Variants in BRSK2 observed in about 807,000 individuals in gnomAD.
BRSK2 encodes the protein serine/threonine-protein kinase BRSK2.
In BRSK2, 19 loss-of-function variants were observed where a neutral mutation model predicts 83.3. The ratio of observed to expected loss-of-function variants is 0.23; its 90% CI spans 0.16 to 0.33. The LOEUF is 0.33. Among genes scored for constraint, BRSK2 ranks in the 10% least tolerant of loss-of-function variants. The probability of loss-of-function intolerance (pLI) is 1.00; values close to 1 mark genes in which losing one functional copy is unlikely to be tolerated. For synonymous variants in BRSK2, 519 were observed against 435.4 expected (o/e 1.19, Z -2.39); for missense variants, 798 against 1,042.3 (o/e 0.77, Z 3.23).
In BRSK2 at chr11:1,443,528, C is replaced by A. The variant is rs1239724823; in HGVS notation, c.673C>A (p.Leu225Met). Reference sequence around the variant, plus strand: ...CGACGATGACAACTTGCGACAGCTGCTGGAGAAGGTGAAGCGGGGCGTGTT... The same window carrying A: ...CGACGATGACAACTTGCGACAGCTGATGGAGAAGGTGAAGCGGGGCGTGTT... The part of the protein sequence containing the change: ...PFDDDNLRQL[L>M]EKVKRGVFHM... The change falls in exon 8 of 20, where the codon CTG (leucine) becomes ATG (methionine). Residue 225 changes from leucine (L) to methionine (M), a missense_variant. By Grantham distance (15) the Leu-to-Met change is conservative. Transcript: ENST00000528841. 6.2e-7 allele frequency: 1 copy of A among 1,608,210 alleles called. No homozygotes were observed. The highest frequency in any genetic ancestry group is 1.3e-5 in the African/African-American group (1 of 74,832).
rs555194494 is a variant in BRSK2, at chr11:1,421,047, G to C, written c.92-14993G>C. On this transcript the variant is annotated intron_variant, in intron 1 of 19. Coordinates refer to ENST00000528841, the MANE Select transcript of BRSK2 (RefSeq NM_001256627.2). ...AGAGAGGGGCTTTGGGATGCTCAGA[G>C]TGATACCCTCAGATCTTTAGGATTC... Among the ~76,000 whole-genome samples, 3 of 152,300 alleles carry C rather than the reference G, an allele frequency of 2.0e-5. No individual in the cohort carries two copies. The East Asian group carries it at 5.8e-4, about 29-fold the overall frequency.
chr11:1,404,430 GC>G (rs1184632908), intron 1 of BRSK2, among the ~76,000 whole-genome samples: 1 of 152,182 alleles, frequency 6.6e-6, no homozygotes, highest in Non-Finnish European at 1.5e-5. Context: ...CGTCCCTTTG[GC>G]CGAGAGTTGC....
intron 1 of BRSK2, among the ~76,000 whole-genome samples, chr11:1,398,883 C>T (rs1369226893): frequency 6.6e-6 from 1 of 152,064 alleles, no homozygotes; most frequent in Non-Finnish European, 1.5e-5. Flanking sequence ...GAGCCTGGAG[C>T]CCCCCCAGCC....
At chr11:1,411,887 A>G (rs1452867728) in intron 1 of BRSK2, among the ~76,000 whole-genome samples, 2 of 152,186 alleles carry the variant, frequency 1.3e-5, no homozygotes, top group Non-Finnish European at 2.9e-5. Context: ...GCCCTCCCAA[A>G]AAGAGCTCTG....
chr11:1,415,516 C>T (rs895057949), intron 1 of BRSK2, among the ~76,000 whole-genome samples: 1 of 152,242 alleles, frequency 6.6e-6, no homozygotes, highest in Non-Finnish European at 1.5e-5. Context: ...TCCCAACATG[C>T]TAAGATTACA....
rs143492745 is a variant in BRSK2, at chr11:1,395,709, C to T, written c.91+5334C>T. 1.8e-3 allele frequency among the ~76,000 whole-genome samples: 273 copies of T among 152,322 alleles called. 1 individual carries two copies. The highest frequency in any genetic ancestry group is 6.8e-3 in the South Asian group (33 of 4,830). On this transcript the variant is annotated intron_variant, in intron 1 of 19. Coordinates refer to ENST00000528841, the MANE Select transcript of BRSK2 (RefSeq NM_001256627.2). ...AAAAGACACGCTGGGCAGAGGGCAC[C>T]GCCCGGCCCTGATCGTGCTGGCCGT...
chr11:1,438,448 G>A lies in BRSK2; in HGVS notation c.272+57G>A. 6.6e-7 allele frequency: 1 copy of A among 1,525,108 alleles called. No homozygotes were observed. Among genetic ancestry groups the A allele is most frequent in the Admixed American group, 1.7e-5 (1 of 59,578 alleles). 94.5% of individuals were successfully genotyped at this position (1,525,108 alleles called of 1,614,324 possible). The stretch of plus-strand genomic sequence containing the variant: ...GGCGGAGGTGGCAGCTGTCGCTGCA[G>A]GGGTGGGTGTCTGGGGCTTGGGGAG... On this transcript the variant is annotated intron_variant, in intron 3 of 19. Transcript: ENST00000528841. The surrounding 1 kb of genome is among the most constrained non-coding windows in gnomAD (Gnocchi z 6.4).
At chr11:1,392,846 C>T (rs1347918337) in intron 1 of BRSK2, among the ~76,000 whole-genome samples, 7 of 152,172 alleles carry the variant, frequency 4.6e-5, no homozygotes, top group African/African-American at 1.2e-4. Context: ...GCTGTAGGGT[C>T]GTCCTTCTGC....
At chr11:1,446,175 CTGGGCTGGGCTAGTT>C (rs896816476) in intron 12 of BRSK2, among the ~76,000 whole-genome samples, 9 of 138,328 alleles carry the variant, frequency 6.5e-5, no homozygotes, top group East Asian at 2.3e-4. Context: ...CTGGCCTGGG[CTGGGCTGGGCTAGTT>C]TGGGCTGGGC....
chr11:1,452,177 C>T (rs1399474713), intron 15 of BRSK2, among the ~76,000 whole-genome samples: 2 of 152,182 alleles, frequency 1.3e-5, no homozygotes, highest in Admixed American at 6.5e-5. Context: ...CTGAGTAAGA[C>T]GAGAACCTTC....
At chr11:1,422,208 A>G (rs969370811) in intron 1 of BRSK2, among the ~76,000 whole-genome samples, 2 of 152,016 alleles carry the variant, frequency 1.3e-5, no homozygotes, top group African/African-American at 4.8e-5. Context: ...AGCCAAGTAG[A>G]TTGGGGGCGG....
intron 1 of BRSK2, among the ~76,000 whole-genome samples, chr11:1,408,811 T>TGG (rs144918446): frequency 2.8e-5 from 3 of 107,790 alleles, no homozygotes; most frequent in Non-Finnish European, 6.5e-5. Flanking sequence ...TTGCCTGTGC[T>TGG]GGTGTGTGTG....
In BRSK2 at chr11:1,461,254, C is replaced by G. The variant is rs922528099; in HGVS notation, c.*531C>G. ...GCCTGGTGGCCTTCTGGGGCCAGGA[C>G]CCCTGGTGGGCAACGTAGCCACAGG... is the stretch of plus-strand genomic sequence containing the variant. On this transcript the variant is annotated 3_prime_UTR_variant, in exon 20 of 20. Coordinates refer to ENST00000528841, the MANE Select transcript of BRSK2 (RefSeq NM_001256627.2). 3.0e-5 allele frequency: 17 copies of G among 565,382 alleles called. 1 individual carries two copies. The highest frequency in any genetic ancestry group is 3.7e-5 in the Non-Finnish European group (12 of 325,708). 35.0% of individuals were successfully genotyped at this position (565,382 alleles called of 1,614,324 possible).
chr11:1,455,583 G>C (rs1214790445), intron 16 of BRSK2, among the ~76,000 whole-genome samples: 1 of 152,030 alleles, frequency 6.6e-6, no homozygotes, highest in South Asian at 2.1e-4. Flanking sequence ...GGCCAGGAGA[G>C]CCCAGCGCTG....
chr11:1,456,212 C>T (rs1009088319), intron 16 of BRSK2, 136 bp from the exon 17 acceptor site: 13 of 914,232 alleles, frequency 1.4e-5, no homozygotes, highest in Middle Eastern at 3.4e-4. Context: ...CCGCACTGTG[C>T]CCCTCACGGA....
chr11:1,455,644 GCGTCCC>G (rs941024334), intron 16 of BRSK2, among the ~76,000 whole-genome samples: 77 of 151,974 alleles, frequency 5.1e-4, no homozygotes, highest in African/African-American at 1.6e-3. Context: ...GGGGTCCTCA[GCGTCCC>G]CGTCCCCGTC....
chr11:1,433,324 C>A (rs1011777964), intron 1 of BRSK2, among the ~76,000 whole-genome samples: 3 of 152,266 alleles, frequency 2.0e-5, no homozygotes, highest in Non-Finnish European at 4.4e-5. Context: ...TCCTGCTTCA[C>A]CCCTGCACCC....
intron 14 of BRSK2, 85 bp downstream of exon 14, chr11:1,450,879 C>A (rs1845737818): frequency 3.8e-6 from 5 of 1,327,162 alleles, no homozygotes; most frequent in Non-Finnish European, 5.1e-6. Context: ...CAGTGCCAGA[C>A]CAGTCCGAGG....
chr11:1,450,883 T>A, intron 14 of BRSK2, 89 bp downstream of exon 14: 1 of 1,284,030 alleles, frequency 7.8e-7, no homozygotes, highest in South Asian at 1.5e-5. Flanking sequence ...GCCAGACCAG[T>A]CCGAGGGGCC....
Sources: gnomAD v4.1 joint callset for allele counts (sites outside exome capture counted in the v4.1 genomes callset) on GRCh38, gnomAD v4.1.1 for gene constraint, Gnocchi (gnomAD v3.1) non-coding constraint, MANE v1.5 for transcripts, NCBI Gene and HGNC (gene_info 2026-07-23, HGNC 2026-07-21) for gene names.